The following GKAP1 variants were observed in gnomAD, a reference collection of about 807,000 sequenced individuals.
The protein encoded by GKAP1 is G kinase anchoring protein 1, also known as G kinase-anchoring protein 1.
Under a neutral mutation model 56.7 loss-of-function variants are expected in GKAP1, and 31 were observed. The observed-to-expected ratio is 0.55, with a 90% CI of 0.41 to 0.74. GKAP1 has a LOEUF of 0.74. Ranked by LOEUF, GKAP1 falls within the 30% of genes least tolerant of loss-of-function variation. GKAP1 has a pLI of 0.00. For synonymous variants in GKAP1, 151 were observed against 138.6 expected (o/e 1.09, Z -0.63); for missense variants, 364 against 402.3 (o/e 0.90, Z 0.82).
chr9:83,783,116 G>A (rs560637508), intron 6 of GKAP1, among the ~76,000 whole-genome samples: 8 of 152,246 alleles, frequency 5.3e-5, no homozygotes, highest in Admixed American at 4.6e-4. Flanking sequence ...TTCAAAGAAA[G>A]GCTTATTTCT....
intron 2 of GKAP1, 74 bp from the exon 3 acceptor site, chr9:83,806,634 A>G (rs919655894): frequency 3.8e-6 from 3 of 797,754 alleles, no homozygotes; most frequent in Middle Eastern, 2.6e-4. Flanking sequence ...TAAAACAACC[A>G]TATGTAGATA....
chr9:83,806,036 G>A (rs183151814), intron 3 of GKAP1, among the ~76,000 whole-genome samples: 55 of 152,120 alleles, frequency 3.6e-4, no homozygotes, highest in Non-Finnish European at 7.5e-4. Context: ...AGGCTACCTT[G>A]AGCCTAGGAG....
intron 3 of GKAP1, among the ~76,000 whole-genome samples, chr9:83,805,722 T>C (rs1188087890): frequency 1.3e-5 from 2 of 152,228 alleles, no homozygotes; most frequent in African/African-American, 4.8e-5. Flanking sequence ...ATTGGTTATA[T>C]CTCTGGTTAT....
intron 3 of GKAP1, among the ~76,000 whole-genome samples, chr9:83,804,395 TGG>T (rs1247004275): frequency 4.3e-5 from 2 of 46,948 alleles, no homozygotes; most frequent in African/African-American, 8.2e-5. Context: ...GGGAGGGAGG[TGG>T]GGGGGGTCAG....
intron 8 of GKAP1, among the ~76,000 whole-genome samples, chr9:83,757,466 A>AT (rs1323645377): frequency 6.6e-6 from 1 of 152,122 alleles, no homozygotes; most frequent in Non-Finnish European, 1.5e-5. Context: ...CTCCTGTCCC[A>AT]TTTTTTTGGT....
chr9:83,766,176 C>A (rs747124012), intron 8 of GKAP1, among the ~76,000 whole-genome samples: 108 of 152,084 alleles, frequency 7.1e-4, no homozygotes, highest in Non-Finnish European at 1.4e-3. Flanking sequence ...AGGGGCTTCC[C>A]CCTTCACCTG....
At chr9:83,802,316 TA>T (rs1176294761) in intron 3 of GKAP1, among the ~76,000 whole-genome samples, 2 of 151,750 alleles carry the variant, frequency 1.3e-5, no homozygotes, top group Non-Finnish European at 2.9e-5. Flanking sequence ...CCATCTCTAC[TA>T]AAAATATAAA....
At chr9:83,764,720 G>C (rs1943632081) in intron 8 of GKAP1, among the ~76,000 whole-genome samples, 1 of 152,172 alleles carries the variant, frequency 6.6e-6, no homozygotes, top group South Asian at 2.1e-4. Context: ...AACTTGTTGG[G>C]AACTGGAAAG....
intron 2 of GKAP1, among the ~76,000 whole-genome samples, chr9:83,809,806 T>A (rs1944483193): frequency 6.6e-6 from 1 of 152,190 alleles, no homozygotes; most frequent in Non-Finnish European, 1.5e-5. Flanking sequence ...ATTTGCTTAT[T>A]TATTCATTTG....
At chr9:83,764,361 C>T (rs1389260654) in intron 8 of GKAP1, among the ~76,000 whole-genome samples, 2 of 152,124 alleles carry the variant, frequency 1.3e-5, no homozygotes, top group African/African-American at 4.8e-5. Flanking sequence ...TGTCTTCTGC[C>T]ACCCTGTGAA....
At chr9:83,771,527 T>C (rs75604267) in intron 7 of GKAP1, among the ~76,000 whole-genome samples, 1,545 of 152,350 alleles carry the variant, frequency 0.01, 26 homozygotes, top group African/African-American at 0.035. Flanking sequence ...GTGCTTACTA[T>C]ATGAATGACA....
At chr9:83,776,463 G>A (rs185830167) in intron 7 of GKAP1, among the ~76,000 whole-genome samples, 4 of 152,298 alleles carry the variant, frequency 2.6e-5, no homozygotes, top group Non-Finnish European at 4.4e-5. Flanking sequence ...TTGGGAGGCC[G>A]AGGCAGGTGG....
At chr9:83,793,933 G>C (rs1209142951) in intron 4 of GKAP1, among the ~76,000 whole-genome samples, 1 of 152,174 alleles carries the variant, frequency 6.6e-6, no homozygotes, top group Non-Finnish European at 1.5e-5. Context: ...TTGGGAAGCT[G>C]AGGTATGTGG....
chr9:83,798,860 G>A (rs777582411), intron 4 of GKAP1, among the ~76,000 whole-genome samples: 1 of 152,010 alleles, frequency 6.6e-6, no homozygotes, highest in Non-Finnish European at 1.5e-5. Context: ...AGAGATTTCT[G>A]CCCTACAAAT....
chr9:83,798,760 C>T (rs970791841), intron 4 of GKAP1, among the ~76,000 whole-genome samples: 1 of 152,134 alleles, frequency 6.6e-6, no homozygotes, highest in African/African-American at 2.4e-5. Flanking sequence ...AAGCCATCCA[C>T]CCGCCTCAGA....
chr9:83,786,992 C>T (rs138390108), intron 5 of GKAP1, among the ~76,000 whole-genome samples: 16 of 152,242 alleles, frequency 1.1e-4, no homozygotes, highest in Non-Finnish European at 1.0e-4. Flanking sequence ...GATTACTTTT[C>T]CGGTGTAACC....
Position 83,816,285 on chromosome 9 carries a change from T to C in GKAP1, c.-44+711A>G, listed in dbSNP as rs550248441. Among the ~76,000 whole-genome samples the C allele has an allele frequency of 3.9e-5, 6 of 152,334 alleles. No homozygotes were observed. In the East Asian group the frequency reaches 1.2e-3, roughly 29 times the overall value. On this transcript the variant is annotated intron_variant, in intron 2 of 12. Coordinates refer to ENST00000376371, the MANE Select transcript of GKAP1 (RefSeq NM_025211.4). ...CTTACTGTAAGTGATGTAAACCCAA[T>C]GGGTATGCCCCAAACTCCATTTTTT...
intron 3 of GKAP1, among the ~76,000 whole-genome samples, chr9:83,804,856 C>T (rs1172679474): frequency 3.5e-5 from 5 of 141,454 alleles, no homozygotes; most frequent in Non-Finnish European, 7.7e-5. Flanking sequence ...GGGGGGTCAG[C>T]CCCCCGCCCG....
rs147325367 is a variant in GKAP1 at position 83,806,493 on chromosome 9, C to G, written c.25G>C (p.Val9Leu). MASAVLSS[V>L]PTTASRFALL... Reference sequence around the variant, plus strand: ...GCAAAACGAGAAGCGGTGGTGGGAACAGAACTAAGTACTGCTGAGGCCATC... The same window carrying G: ...GCAAAACGAGAAGCGGTGGTGGGAAGAGAACTAAGTACTGCTGAGGCCATC... The change falls in exon 3 of 13, where the codon GTT becomes CTT. Residue 9 changes from valine to leucine, a missense_variant. Coordinates refer to ENST00000376371, the MANE Select transcript of GKAP1 (RefSeq NM_025211.4). 5.8e-5 allele frequency: 94 copies of G among 1,614,042 alleles called. No homozygotes were observed. In the African/African-American group the frequency reaches 1.1e-3, roughly 19 times the overall value.
Sources: allele counts gnomAD v4.1 joint callset (sites outside exome capture counted in the v4.1 genomes callset), GRCh38; gene constraint gnomAD v4.1.1; transcripts MANE v1.5; gene names NCBI Gene and HGNC (gene_info 2026-07-23, HGNC 2026-07-21).